The following PACRG variants were observed in gnomAD, a reference collection of about 807,000 sequenced individuals.
PACRG encodes parkin coregulated gene protein.
Under a neutral mutation model 29.7 loss-of-function variants are expected in PACRG, and 29 were observed. That is an observed-to-expected ratio of 0.98 (90% CI 0.73 to 1.33). The LOEUF (loss-of-function observed/expected upper bound fraction) is 1.33. Ranked by LOEUF, PACRG falls within the 40% of genes most tolerant of loss-of-function variation. The pLI is 0.00. For synonymous variants in PACRG, 116 were observed against 118.7 expected (o/e 0.98, Z 0.15); for missense variants, 279 against 316.2 (o/e 0.88, Z 0.89).
At chr6:162,814,845 T>C (rs1787196758) in intron 2 of PACRG, among the ~76,000 whole-genome samples, 2 of 152,196 alleles carry the variant, frequency 1.3e-5, no homozygotes, top group Admixed American at 1.3e-4. Context: ...CCAAAGCCAT[T>C]ACAGCACGGA....
At chr6:163,309,298 A>G (rs1201971475) in intron 4 of PACRG, among the ~76,000 whole-genome samples, 1 of 152,258 alleles carries the variant, frequency 6.6e-6, no homozygotes, top group Non-Finnish European at 1.5e-5. Context: ...TATTTATTTC[A>G]GAGCCTTGGT....
At chr6:163,004,365 T>C (rs1804847404) in intron 2 of PACRG, among the ~76,000 whole-genome samples, 1 of 151,946 alleles carries the variant, frequency 6.6e-6, no homozygotes, top group African/African-American at 2.4e-5. Flanking sequence ...AGAAAGATGT[T>C]TAATTGACTC....
At chr6:163,028,895 A>G (rs1432735892) in intron 2 of PACRG, among the ~76,000 whole-genome samples, 3 of 152,212 alleles carry the variant, frequency 2.0e-5, no homozygotes, top group Non-Finnish European at 4.4e-5. Context: ...ATGCCCCCCA[A>G]ACACATTCAC....
In PACRG at chr6:162,947,631, TATATATATATATATATAC is replaced by T. The variant is rs1196715240; in HGVS notation, c.292-114517_292-114500del. ...ATAATCATATATATATATATATATATATATATATATATATATACACCCAAAGATTCCACCAAAAATCTC... is the reference window on the plus strand; with the variant it reads ...ATAATCATATATATATATATATATATACCCAAAGATTCCACCAAAAATCTC... On this transcript the variant is annotated intron_variant, in intron 2 of 4. Coordinates refer to ENST00000366888, the MANE Select transcript of PACRG (RefSeq NM_001080379.2). 4.6e-3 allele frequency among the ~76,000 whole-genome samples: 328 copies of T among 71,534 alleles called. 12 individuals are homozygous for T. The highest frequency in any genetic ancestry group is 0.016 in the African/African-American group (293 of 18,096). The allele number at this position is 71,534 out of a possible 152,430, so 46.9% of individuals were successfully genotyped here. A position where few individuals can be genotyped will look rare whatever the true frequency, so the allele number is the denominator to read the frequency against.
intron 1 of PACRG, among the ~76,000 whole-genome samples, chr6:162,756,440 T>C (rs1310034456): frequency 2.0e-5 from 3 of 152,206 alleles, no homozygotes; most frequent in African/African-American, 7.2e-5. Flanking sequence ...ACGTCTACTT[T>C]GTGTGTTATA....
At chr6:162,765,895 T>C (rs965309327) in intron 1 of PACRG, among the ~76,000 whole-genome samples, 1 of 152,180 alleles carries the variant, frequency 6.6e-6, no homozygotes, top group African/African-American at 2.4e-5. Flanking sequence ...TATTCAATCT[T>C]GGTGTTTCTT....
chr6:162,841,505 G>T (rs1291905405), intron 2 of PACRG, among the ~76,000 whole-genome samples: 4 of 151,740 alleles, frequency 2.6e-5, no homozygotes, highest in Admixed American at 2.0e-4. Flanking sequence ...TATTAGTCTT[G>T]CTAGCAGTCT....
At chr6:162,895,142 C>T (rs903313238) in intron 2 of PACRG, among the ~76,000 whole-genome samples, 1 of 148,002 alleles carries the variant, frequency 6.8e-6, no homozygotes, top group African/African-American at 2.5e-5. Flanking sequence ...TGGTGGCATG[C>T]GACTGTGATC....
intron 4 of PACRG, among the ~76,000 whole-genome samples, chr6:163,277,167 C>T (rs1433717506): frequency 6.6e-6 from 1 of 151,648 alleles, no homozygotes; most frequent in Non-Finnish European, 1.5e-5. Context: ...TGAATAAGTT[C>T]TTTAGTGGTG....
chr6:162,809,726 A>T (rs548803655), intron 1 of PACRG, among the ~76,000 whole-genome samples: 33 of 152,326 alleles, frequency 2.2e-4, no homozygotes, highest in African/African-American at 7.7e-4. Flanking sequence ...AGACCAACTC[A>T]GTAAGTGGGA....
At chr6:163,139,767 C>T (rs1817080593) in intron 4 of PACRG, among the ~76,000 whole-genome samples, 2 of 152,218 alleles carry the variant, frequency 1.3e-5, no homozygotes, top group South Asian at 4.1e-4. Flanking sequence ...TCTGCCCCCA[C>T]CTAATAGAAA....
intron 4 of PACRG, among the ~76,000 whole-genome samples, chr6:163,215,073 T>A (rs572727294): frequency 1.1e-4 from 16 of 152,198 alleles, no homozygotes; most frequent in East Asian, 3.9e-4. Flanking sequence ...AATTTTTTTT[T>A]ATCTACCCAT....
chr6:163,135,582 C>T (rs934014026), intron 4 of PACRG, among the ~76,000 whole-genome samples: 1 of 152,226 alleles, frequency 6.6e-6, no homozygotes, highest in Non-Finnish European at 1.5e-5. Flanking sequence ...TTTCTCCTTT[C>T]TCTTTATTAT....
At chr6:162,849,482 C>G (rs573399566) in intron 2 of PACRG, among the ~76,000 whole-genome samples, 3 of 152,332 alleles carry the variant, frequency 2.0e-5, no homozygotes, top group East Asian at 3.9e-4. Flanking sequence ...AATTGCCAAA[C>G]AGTGCACCCC....
intron 4 of PACRG, among the ~76,000 whole-genome samples, chr6:163,208,867 C>T (rs908765697): frequency 6.6e-6 from 1 of 152,028 alleles, no homozygotes; most frequent in Non-Finnish European, 1.5e-5. Flanking sequence ...TGTCTAATGC[C>T]GAATGTTAGA....
intron 4 of PACRG, among the ~76,000 whole-genome samples, chr6:163,122,764 A>G (rs1318744280): frequency 1.3e-5 from 2 of 152,226 alleles, no homozygotes; most frequent in African/African-American, 4.8e-5. Flanking sequence ...AAATTGGTAT[A>G]TGAAAACCAC....
chr6:163,053,095 C>T (rs1179292280), intron 2 of PACRG, among the ~76,000 whole-genome samples: 4 of 151,882 alleles, frequency 2.6e-5, no homozygotes, highest in African/African-American at 9.7e-5. Context: ...AAGAAAGATT[C>T]CTAAATTTGA....
At chr6:163,159,909 C>T (rs1187643321) in intron 4 of PACRG, among the ~76,000 whole-genome samples, 1 of 152,200 alleles carries the variant, frequency 6.6e-6, no homozygotes, top group Non-Finnish European at 1.5e-5. Context: ...GACTTCCTCT[C>T]CTGCCTCCTT....
chr6:163,305,020 C>G (rs954009013), intron 4 of PACRG, among the ~76,000 whole-genome samples: 1 of 151,556 alleles, frequency 6.6e-6, no homozygotes, highest in Non-Finnish European at 1.5e-5. Context: ...GAGGCCTGGC[C>G]CCACCGTGTC....
Sources: gnomAD v4.1 joint callset for allele counts (sites outside exome capture counted in the v4.1 genomes callset) on GRCh38, gnomAD v4.1.1 for gene constraint, MANE v1.5 for transcripts, NCBI Gene and HGNC (gene_info 2026-07-23, HGNC 2026-07-21) for gene names.